Variants in GPC5 observed in about 807,000 individuals in gnomAD.
The protein encoded by GPC5 is glypican-5.
In GPC5, 47 loss-of-function variants were observed where a neutral mutation model predicts 53.9. The observed-to-expected ratio is 0.87, with a 90% CI of 0.69 to 1.11. The LOEUF is 1.11. Among genes scored for constraint, GPC5 ranks in the 50% most tolerant of loss-of-function variants. The pLI is 0.00. For missense variants in GPC5, 748 were observed against 713.1 expected (o/e 1.05, Z -0.56); for synonymous variants, 286 against 263.3 (o/e 1.09, Z -0.84).
At chr13:92,003,594 A>G (rs773617465) in intron 6 of GPC5, among the ~76,000 whole-genome samples, 1 of 152,206 alleles carries the variant, frequency 6.6e-6, no homozygotes, top group African/African-American at 2.4e-5. Context: ...GCTAAATTGT[A>G]CATTAGATGA....
rs114414581 is a variant in GPC5, at chr13:92,156,905, T to C, written c.1561+11916T>C. Among the ~76,000 whole-genome samples the C allele has an allele frequency of 7.5e-3, 1,147 of 152,212 alleles. 16 individuals are homozygous for C. The highest frequency in any genetic ancestry group is 0.026 in the African/African-American group (1,100 of 41,550). The stretch of plus-strand genomic sequence containing the variant: ...ATATTAAACAGCAGTGTTTTTAAAA[T>C]GTATATGCCTCCAATTTGTCTTTCT... On this transcript the variant is annotated intron_variant, in intron 7 of 7. Transcript: ENST00000377067.
rs148035460 is a variant in GPC5, at chr13:92,174,351, C to G, written c.1561+29362C>G. On this transcript the variant is annotated intron_variant, in intron 7 of 7. Transcript: ENST00000377067. The stretch of plus-strand genomic sequence containing the variant: ...CCTGGCTAACACGGTGAAACCCTGT[C>G]TCTACTAAAAACACAAAAAAAAAAA... 1.8e-3 allele frequency among the ~76,000 whole-genome samples: 264 copies of G among 142,980 alleles called. 1 individual carries two copies. Among genetic ancestry groups the G allele is most frequent in the African/African-American group, 6.5e-3 (245 of 37,876 alleles). The allele number at this position is 142,980 out of a possible 152,430, so 93.8% of individuals were successfully genotyped here.
intron 7 of GPC5, among the ~76,000 whole-genome samples, chr13:92,540,010 A>G (rs573568526): frequency 6.6e-6 from 1 of 151,918 alleles, no homozygotes; most frequent in African/African-American, 2.4e-5. Flanking sequence ...TTAAGAATGC[A>G]CTTTTAAGGA....
chr13:91,880,321 T>G (rs1238914914), intron 5 of GPC5, among the ~76,000 whole-genome samples: 1 of 152,102 alleles, frequency 6.6e-6, no homozygotes, highest in African/African-American at 2.4e-5. Context: ...TTTCTTAGTG[T>G]TTGATTTTAT....
intron 7 of GPC5, among the ~76,000 whole-genome samples, chr13:92,664,281 T>A (rs184186703): frequency 6.6e-6 from 1 of 151,662 alleles, no homozygotes; most frequent in Non-Finnish European, 1.5e-5. Flanking sequence ...AAATTGGTGG[T>A]AGTTGGTGAT....
chr13:92,300,522 A>G (rs1449073275), intron 7 of GPC5, among the ~76,000 whole-genome samples: 6 of 152,196 alleles, frequency 3.9e-5, no homozygotes, highest in Admixed American at 6.5e-5. Context: ...GAGTCTGATC[A>G]TTCAACTCAA....
At chr13:92,787,166 A>G (rs1876268471) in intron 7 of GPC5, among the ~76,000 whole-genome samples, 1 of 152,188 alleles carries the variant, frequency 6.6e-6, no homozygotes, top group Non-Finnish European at 1.5e-5. Context: ...CAACACAAGG[A>G]AAACTAAAAG....
intron 6 of GPC5, among the ~76,000 whole-genome samples, chr13:92,063,635 A>T (rs188455499): frequency 6.6e-6 from 1 of 152,256 alleles, no homozygotes; most frequent in East Asian, 1.9e-4. Flanking sequence ...AATAAATAAG[A>T]ACTTAAAGCT....
At chr13:92,829,178 C>A (rs1594534304) in intron 7 of GPC5, among the ~76,000 whole-genome samples, 2 of 152,208 alleles carry the variant, frequency 1.3e-5, no homozygotes, top group East Asian at 1.9e-4. Context: ...ATGTCAAGAT[C>A]TATGTTCAGA....
chr13:92,464,472 T>G (rs946948613), intron 7 of GPC5, among the ~76,000 whole-genome samples: 1 of 152,100 alleles, frequency 6.6e-6, no homozygotes. Flanking sequence ...TCTTCTTTGG[T>G]GCTATTTTTA....
At chr13:91,401,842 T>C (rs1249795277) in intron 1 of GPC5, among the ~76,000 whole-genome samples, 1 of 152,198 alleles carries the variant, frequency 6.6e-6, no homozygotes, top group Non-Finnish European at 1.5e-5. Flanking sequence ...TTTAAGCCTA[T>C]TGAGCTCCTA....
intron 6 of GPC5, among the ~76,000 whole-genome samples, chr13:91,925,026 A>G (rs1422565433): frequency 6.6e-6 from 1 of 151,942 alleles, no homozygotes; most frequent in Non-Finnish European, 1.5e-5. Flanking sequence ...TCACCGTGTT[A>G]ACCAGGATGG....
intron 7 of GPC5, among the ~76,000 whole-genome samples, chr13:92,442,311 G>A (rs1165050442): frequency 6.6e-6 from 1 of 152,028 alleles, no homozygotes; most frequent in Non-Finnish European, 1.5e-5. Flanking sequence ...AACATATACA[G>A]GTAGACATCC....
intron 2 of GPC5, among the ~76,000 whole-genome samples, chr13:91,643,850 G>T (rs1000160691): frequency 6.6e-6 from 1 of 152,056 alleles, no homozygotes; most frequent in South Asian, 2.1e-4. Context: ...ACACTCATAT[G>T]ATCTCATCCT....
intron 4 of GPC5, among the ~76,000 whole-genome samples, chr13:91,730,067 C>T (rs1010735366): frequency 6.6e-6 from 1 of 152,188 alleles, no homozygotes; most frequent in African/African-American, 2.4e-5. Flanking sequence ...TAGCCATTGT[C>T]CATGAATCAG....
chr13:92,208,237 T>C (rs1329958668), intron 7 of GPC5, among the ~76,000 whole-genome samples: 3 of 152,228 alleles, frequency 2.0e-5, no homozygotes, highest in Non-Finnish European at 4.4e-5. Context: ...TTGGCATATC[T>C]GATTTTAATG....
chr13:92,026,212 CAG>C (rs955645922), intron 6 of GPC5, among the ~76,000 whole-genome samples: 19 of 152,066 alleles, frequency 1.2e-4, no homozygotes, highest in African/African-American at 3.9e-4. Flanking sequence ...AAATTTTATT[CAG>C]ATATTTTATT....
intron 7 of GPC5, among the ~76,000 whole-genome samples, chr13:92,316,779 G>T (rs1177741732): frequency 1.3e-5 from 2 of 152,046 alleles, no homozygotes; most frequent in African/African-American, 4.8e-5. Context: ...TTCTAAATGA[G>T]AAAAGGGGTT....
At chr13:92,071,748 T>A (rs1456539662) in intron 6 of GPC5, among the ~76,000 whole-genome samples, 2 of 151,232 alleles carry the variant, frequency 1.3e-5, no homozygotes, top group African/African-American at 4.8e-5. Context: ...AATACATCAT[T>A]AAATTTATAT....
Sources: allele counts gnomAD v4.1 joint callset (sites outside exome capture counted in the v4.1 genomes callset), GRCh38; gene constraint gnomAD v4.1.1; transcripts MANE v1.5; gene names NCBI Gene and HGNC (gene_info 2026-07-23, HGNC 2026-07-21).